Variants in TIAM1 observed in about 807,000 individuals in gnomAD.
TIAM1 encodes rho guanine nucleotide exchange factor TIAM1.
Under a neutral mutation model 163.5 loss-of-function variants are expected in TIAM1, and 65 were observed. The observed-to-expected ratio is 0.40, with a 90% CI of 0.33 to 0.49. TIAM1 has a LOEUF of 0.49. TIAM1 is among the 20% of genes least tolerant of loss of function. The probability of loss-of-function intolerance (pLI) is 0.77; values close to 1 mark genes in which losing one functional copy is unlikely to be tolerated. For missense variants in TIAM1, 1,789 were observed against 2,044.7 expected (o/e 0.87, Z 2.41); for synonymous variants, 833 against 810.1 (o/e 1.03, Z -0.48).
At chr21:31,361,866 TAGATAGATAGATAGAC>T (rs1180422009) in intron 2 of TIAM1, among the ~76,000 whole-genome samples, 55 of 151,100 alleles carry the variant, frequency 3.6e-4, no homozygotes, top group Non-Finnish European at 5.5e-4. Context: ...GATAGATAGA[TAGATAGATAGATAGAC>T]AGACATGTGT....
chr21:31,458,581 T>G (rs1460311151), intron 2 of TIAM1, among the ~76,000 whole-genome samples: 1 of 152,234 alleles, frequency 6.6e-6, no homozygotes, highest in African/African-American at 2.4e-5. Context: ...AGAATTTACC[T>G]GCTTAGCAGA....
chr21:31,449,862 A>G (rs2044760609), intron 2 of TIAM1, among the ~76,000 whole-genome samples: 1 of 152,192 alleles, frequency 6.6e-6, no homozygotes, highest in Non-Finnish European at 1.5e-5. Context: ...CAGATTGACC[A>G]AGCCTAGGCA....
At chr21:31,444,361 C>T (rs1277589109) in intron 2 of TIAM1, among the ~76,000 whole-genome samples, 1 of 151,286 alleles carries the variant, frequency 6.6e-6, no homozygotes. Flanking sequence ...TAAATTTCTA[C>T]TAAAAGTTTC....
intron 19 of TIAM1, among the ~76,000 whole-genome samples, chr21:31,151,215 G>C (rs981362414): frequency 6.6e-5 from 10 of 152,114 alleles, no homozygotes; most frequent in African/African-American, 2.4e-4. Flanking sequence ...TTCCCTTCCT[G>C]GGTACTTAAG....
At chr21:31,488,193 T>G (rs2046341544) in intron 1 of TIAM1, among the ~76,000 whole-genome samples, 1 of 152,182 alleles carries the variant, frequency 6.6e-6, no homozygotes, top group Non-Finnish European at 1.5e-5. Context: ...GGCAGGAATG[T>G]CTATGCCGAC....
rs1425004285 is a variant in TIAM1, at chr21:31,223,536, C to T, written c.1865G>A (p.Arg622His). 7.4e-6 allele frequency: 12 copies of T among 1,613,250 alleles called. No individual in the cohort carries two copies. Among genetic ancestry groups the T allele is most frequent in the East Asian group, 2.2e-5 (1 of 44,852 alleles). The change falls in exon 8 of 28, where the codon CGC becomes CAC. Residue 622 changes from arginine (R) to histidine (H), a missense_variant. This residue lies in a region of TIAM1 where 456 missense variants were observed against 586.6 expected (regional missense o/e 0.78). Transcript: ENST00000541036. ...ACCCTGAAGGCTGGCTAAATAACAG[C>T]GGAAACGAAACAGGTCCATTTGGAA... ...EQFQMDLFRF[R>H]CYLASLQGGE...
intron 1 of TIAM1, among the ~76,000 whole-genome samples, chr21:31,490,762 C>T (rs948724684): frequency 5.3e-5 from 8 of 152,234 alleles, no homozygotes; most frequent in Admixed American, 2.0e-4. Context: ...CCTGCCTCTT[C>T]ATTCAAGTGT....
intron 15 of TIAM1, among the ~76,000 whole-genome samples, chr21:31,178,765 T>C (rs2084881532): frequency 6.6e-6 from 1 of 152,044 alleles, no homozygotes; most frequent in Admixed American, 6.6e-5. Flanking sequence ...AGGATTTTTC[T>C]TTTTTGATGG....
Position 31,120,957 on chromosome 21 carries a change from A to T in TIAM1, c.4307-120T>A, listed in dbSNP as rs2081979703. On this transcript the variant is annotated intron_variant, in intron 27 of 27. Transcript: ENST00000541036. This position sits in a 1 kb window ranked among gnomAD's most constrained non-coding sequence, Gnocchi z 4.2. ...AAAACGGTATGCATTGAATGCCTTG[A>T]TGTCTTTTGGGGCTTAAAGTCTACA... is the stretch of plus-strand genomic sequence containing the variant. 7 of 922,758 alleles carry T rather than the reference A, an allele frequency of 7.6e-6. No individual in the cohort carries two copies. The highest frequency in any genetic ancestry group is 1.1e-5 in the Non-Finnish European group (7 of 629,706). The allele number at this position is 922,758 out of a possible 1,614,324, so 57.2% of individuals were successfully genotyped here. A position where few individuals can be genotyped will look rare whatever the true frequency, so the allele number is the denominator to read the frequency against.
At chr21:31,305,422 TA>T (rs35619472) in intron 2 of TIAM1, among the ~76,000 whole-genome samples, 48,751 of 132,726 alleles carry the variant, frequency 0.37, 8,080 homozygotes, top group Middle Eastern at 0.55. Context: ...GAAATAAAAA[TA>T]AAAAAAAAAA....
chr21:31,314,464 A>G (rs1459081778), intron 2 of TIAM1, among the ~76,000 whole-genome samples: 7 of 152,150 alleles, frequency 4.6e-5, no homozygotes, highest in Admixed American at 4.6e-4. Flanking sequence ...GAAAGCAAAT[A>G]TTTCTTTAAA....
At chr21:31,222,713 T>A (rs1370332594) in intron 8 of TIAM1, among the ~76,000 whole-genome samples, 35 of 81,840 alleles carry the variant, frequency 4.3e-4, no homozygotes, top group Admixed American at 5.6e-4. Flanking sequence ...ATATATTTTT[T>A]TTTTTTTTTT....
chr21:31,134,619 T>C (rs2082546835), intron 23 of TIAM1, among the ~76,000 whole-genome samples: 1 of 152,180 alleles, frequency 6.6e-6, no homozygotes, highest in South Asian at 2.1e-4. Flanking sequence ...CAAGCGATTC[T>C]CCTGCCTTAG....
At chr21:31,412,999 G>A (rs1453641308) in intron 2 of TIAM1, among the ~76,000 whole-genome samples, 2 of 152,058 alleles carry the variant, frequency 1.3e-5, no homozygotes, top group Admixed American at 6.6e-5. Flanking sequence ...ATGGCCTGGG[G>A]ATTGGGGACC....
rs764442541 is a variant in TIAM1, at chr21:31,266,889, G to A, written c.84C>T (p.Arg28=). The change falls in exon 4 of 28, where the codon CGC becomes CGT. Residue 28 remains arginine, a synonymous_variant. Coordinates refer to ENST00000541036, the MANE Select transcript of TIAM1 (RefSeq NM_001353694.2). ...HASLGRKHTS[R]SLRLSHKTRR... ...GCGTCTTGTGCGAGAGGCGCAGGGAGCGGGAAGTGTGCTTGCGCCCCAGGC... is the reference window on the plus strand; with the variant it reads ...GCGTCTTGTGCGAGAGGCGCAGGGAACGGGAAGTGTGCTTGCGCCCCAGGC... 3.1e-6 allele frequency: 5 copies of A among 1,613,984 alleles called. No homozygotes were observed. The highest frequency in any genetic ancestry group is 3.3e-5 in the Admixed American group (2 of 60,030).
At chr21:31,268,420 C>A (rs1351394756) in intron 3 of TIAM1, among the ~76,000 whole-genome samples, 1 of 152,230 alleles carries the variant, frequency 6.6e-6, no homozygotes, top group Non-Finnish European at 1.5e-5. Flanking sequence ...CTCTATAATT[C>A]CACTGTTCAG....
rs771157997 is a variant in TIAM1, at chr21:31,120,487, G to A, written c.4657C>T (p.Leu1553Phe). 5.6e-6 allele frequency: 9 copies of A among 1,614,092 alleles called. No homozygotes were observed. Among genetic ancestry groups the A allele is most frequent in the South Asian group, 2.2e-5 (2 of 91,092 alleles). The change falls in exon 28 of 28, where the codon CTC (leucine) becomes TTC (phenylalanine). Residue 1553 changes from leucine to phenylalanine, a missense_variant. This residue lies in a region of TIAM1 where 415 missense variants were observed against 439.2 expected (regional missense o/e 0.94). Coordinates refer to ENST00000541036, the MANE Select transcript of TIAM1 (RefSeq NM_001353694.2). The surrounding 1 kb of genome is among the most constrained non-coding windows in gnomAD (Gnocchi z 4.2). ...CCCGACAGGGCAGCTTGCTTCTTGA[G>A]CTGTGCCATGCGGGACGCGTGACTA... ...LDSHASRMAQ[L>F]KKQAALSGIN...
intron 1 of TIAM1, among the ~76,000 whole-genome samples, chr21:31,488,183 G>C (rs1038189235): frequency 2.0e-5 from 3 of 152,352 alleles, no homozygotes. Flanking sequence ...GAGACTGTCA[G>C]GCAGGAATGT....
At chr21:31,365,602 AG>A in intron 2 of TIAM1, among the ~76,000 whole-genome samples, 1 of 151,646 alleles carries the variant, frequency 6.6e-6, no homozygotes, top group East Asian at 2.0e-4. Context: ...CATGTTAGCC[AG>A]GATGGTCTCG....
Sources: allele counts gnomAD v4.1 joint callset (sites outside exome capture counted in the v4.1 genomes callset), GRCh38; gene constraint gnomAD v4.1.1; regional missense constraint gnomAD v4.1.1; non-coding constraint Gnocchi (gnomAD v3.1); transcripts MANE v1.5; gene names NCBI Gene and HGNC (gene_info 2026-07-23, HGNC 2026-07-21).